Variants in NME7 observed in about 807,000 individuals in gnomAD.
The protein encoded by NME7 is NME/NM23 family member 7.
A neutral mutation model predicts 49.1 loss-of-function variants in NME7; 41 were observed. The ratio of observed to expected loss-of-function variants is 0.83; its 90% CI spans 0.65 to 1.08. The LOEUF (loss-of-function observed/expected upper bound fraction) is 1.08. Among genes scored for constraint, NME7 ranks in the 50% least tolerant of loss-of-function variants. The pLI, the probability that NME7 is intolerant of heterozygous loss-of-function variation, is 0.00. For missense variants in NME7, 423 were observed against 463.4 expected (o/e 0.91, Z 0.80); for synonymous variants, 139 against 150.6 (o/e 0.92, Z 0.56).
intron 11 of NME7, among the ~76,000 whole-genome samples, chr1:169,154,970 T>TA (rs201119790): frequency 0.017 from 2,582 of 151,998 alleles, 66 homozygotes; most frequent in African/African-American, 0.056. Context: ...TTTGTATAAT[T>TA]TAAAAAAATT....
intron 10 of NME7, among the ~76,000 whole-genome samples, chr1:169,228,071 C>CACAT (rs1647419671): frequency 7.0e-6 from 1 of 142,760 alleles, no homozygotes; most frequent in Admixed American, 6.9e-5. Flanking sequence ...CACACACACA[C>CACAT]ATATATACGT....
At chr1:169,293,277 G>T (rs1252413059) in intron 6 of NME7, among the ~76,000 whole-genome samples, 1 of 148,830 alleles carries the variant, frequency 6.7e-6, no homozygotes, top group East Asian at 2.1e-4. Flanking sequence ...TCCAGCTTGG[G>T]CAGCAGAGTG....
chr1:169,138,027 T>C (rs1410736277), intron 11 of NME7, among the ~76,000 whole-genome samples: 5 of 152,232 alleles, frequency 3.3e-5, no homozygotes, highest in African/African-American at 1.2e-4. Flanking sequence ...TAAGACTAAA[T>C]GAGCCGGGTG....
chr1:169,365,907 T>C (rs1357302221), intron 1 of NME7, among the ~76,000 whole-genome samples: 1 of 152,176 alleles, frequency 6.6e-6, no homozygotes, highest in East Asian at 1.9e-4. Context: ...GGTTATAATA[T>C]AGTAGTAGCA....
At chr1:169,233,923 T>C (rs1035378850) in intron 9 of NME7, among the ~76,000 whole-genome samples, 3 of 151,486 alleles carry the variant, frequency 2.0e-5, no homozygotes, top group Admixed American at 2.0e-4. Context: ...CCTCCTTTTT[T>C]TCCTTTGTTT....
intron 1 of NME7, among the ~76,000 whole-genome samples, chr1:169,357,026 C>T (rs113381619): frequency 0.025 from 3,788 of 152,188 alleles, 136 homozygotes; most frequent in African/African-American, 0.084. Flanking sequence ...GAAATAACAA[C>T]AGCAGTAGTA....
intron 11 of NME7, among the ~76,000 whole-genome samples, chr1:169,140,352 C>G (rs1329116786): frequency 5.3e-5 from 8 of 152,092 alleles, no homozygotes; most frequent in Non-Finnish European, 1.5e-5. Context: ...GCCACTATTT[C>G]CTAGTGCTCT....
At chr1:169,296,181 T>C (rs962822134) in intron 6 of NME7, among the ~76,000 whole-genome samples, 3 of 152,146 alleles carry the variant, frequency 2.0e-5, no homozygotes, top group African/African-American at 7.2e-5. Context: ...CTATATTCAC[T>C]AACTACAATT....
At chr1:169,287,491 T>C in intron 6 of NME7, 83 bp from the exon 7 acceptor site, 1 of 976,994 alleles carries the variant, frequency 1.0e-6, no homozygotes. Context: ...AGGAGAATCA[T>C]GCAATTACTT....
At chr1:169,274,739 CTTGT>C (rs1256736117) in intron 7 of NME7, among the ~76,000 whole-genome samples, 3 of 133,630 alleles carry the variant, frequency 2.2e-5, no homozygotes, top group East Asian at 2.0e-4. Flanking sequence ...TTTCCCATTG[CTTGT>C]TTTTCTCAGG....
At chr1:169,135,494 A>C (rs1658402616) in intron 11 of NME7, among the ~76,000 whole-genome samples, 1 of 152,238 alleles carries the variant, frequency 6.6e-6, no homozygotes, top group South Asian at 2.1e-4. Flanking sequence ...ACAGAGGGAA[A>C]CTATCCAAGG....
intron 11 of NME7, among the ~76,000 whole-genome samples, chr1:169,134,164 A>T: frequency 6.6e-6 from 1 of 152,214 alleles, no homozygotes; most frequent in African/African-American, 2.4e-5. Flanking sequence ...TACCTACCAT[A>T]TGCCAAGCAT....
At chr1:169,340,804 G>C (rs1312290513) in intron 1 of NME7, among the ~76,000 whole-genome samples, 1 of 152,184 alleles carries the variant, frequency 6.6e-6, no homozygotes, top group East Asian at 1.9e-4. Context: ...GTGGAGCTTT[G>C]AACTCAAAAG....
At chr1:169,188,368 C>A (rs1355751590) in intron 10 of NME7, among the ~76,000 whole-genome samples, 1 of 152,194 alleles carries the variant, frequency 6.6e-6, no homozygotes. Flanking sequence ...TAAAGCTGTA[C>A]AATCATGATC....
chr1:169,218,379 C>A (rs1557992807), intron 10 of NME7, among the ~76,000 whole-genome samples: 1 of 152,072 alleles, frequency 6.6e-6, no homozygotes, highest in Non-Finnish European at 1.5e-5. Flanking sequence ...ATCACTTGAA[C>A]TCAGGAGACC....
chr1:169,183,509 A>G (rs1659980242), intron 10 of NME7, among the ~76,000 whole-genome samples: 1 of 152,214 alleles, frequency 6.6e-6, no homozygotes. Context: ...ATATTTCTTA[A>G]GAAAAGCCCT....
At chr1:169,243,284 T>C (rs930553557) in intron 7 of NME7, among the ~76,000 whole-genome samples, 13 of 152,126 alleles carry the variant, frequency 8.5e-5, no homozygotes, top group African/African-American at 2.4e-4. Flanking sequence ...CAATTCAAAT[T>C]AGAGAGATAA....
chr1:169,235,101 C>A (rs1392545021), intron 9 of NME7, 30 bp downstream of exon 9: 3 of 1,278,742 alleles, frequency 2.3e-6, no homozygotes, highest in Non-Finnish European at 3.3e-6. Context: ...CTTAACAGTA[C>A]AAATGTTTTA....
rs536392612 is a variant in NME7, at chr1:169,361,224, G to GA, written c.3+6483dup. Among the ~76,000 whole-genome samples, 338 of 152,180 alleles carry GA rather than the reference G, an allele frequency of 2.2e-3. 1 individual carries two copies. The highest frequency in any genetic ancestry group is 3.4e-3 in the Non-Finnish European group (230 of 67,988). On this transcript the variant is annotated intron_variant, in intron 1 of 11. Transcript: ENST00000367811. ...AGCAAAAATAAATAAAAAGCTACAT[G>GA]AAAAAAATTATGGCATTATATTAAC... is the stretch of plus-strand genomic sequence containing the variant.
Sources: gnomAD v4.1 joint callset for allele counts (sites outside exome capture counted in the v4.1 genomes callset) on GRCh38, gnomAD v4.1.1 for gene constraint, MANE v1.5 for transcripts, NCBI Gene and HGNC (gene_info 2026-07-23, HGNC 2026-07-21) for gene names.